PDE8A: variants seen among roughly 807,000 people sequenced by gnomAD.
PDE8A encodes the protein high affinity cAMP-specific and IBMX-insensitive 3',5'-cyclic phosphodiesterase 8A.
A neutral mutation model predicts 105.0 loss-of-function variants in PDE8A; 59 were observed. The ratio of observed to expected loss-of-function variants is 0.56; its 90% CI spans 0.46 to 0.70. PDE8A has a LOEUF of 0.70. PDE8A is among the 30% of genes least tolerant of loss of function. PDE8A has a pLI of 0.00. For synonymous variants in PDE8A, 355 were observed against 371.9 expected, an observed-to-expected ratio of 0.95 and a Z score of 0.52; for missense variants, 1,014 against 1,045.9, an observed-to-expected ratio of 0.97 and a Z score of 0.42.
chr15:85,100,670 A>G (rs1304816332), intron 11 of PDE8A, among the ~76,000 whole-genome samples: 1 of 152,196 alleles, frequency 6.6e-6, no homozygotes, highest in East Asian at 1.9e-4. Context: ...TCTTACTGCA[A>G]ATGCATTTCC....
intron 5 of PDE8A, among the ~76,000 whole-genome samples, chr15:85,078,893 C>T (rs2081421663): frequency 6.6e-6 from 1 of 152,130 alleles, no homozygotes; most frequent in Non-Finnish European, 1.5e-5. Context: ...ATATATCTAG[C>T]CAAGTTATTG....
At chr15:85,057,284 C>G (rs1300266655) in intron 1 of PDE8A, among the ~76,000 whole-genome samples, 1 of 152,228 alleles carries the variant, frequency 6.6e-6, no homozygotes, top group Non-Finnish European at 1.5e-5. Flanking sequence ...GGCAGACTGT[C>G]TGTTCTCAGA....
At position 85,130,031 on chromosome 15, in the gene PDE8A, G is replaced by A. The variant is rs954067340; in HGVS notation, c.2253+3657G>A. ...AAAGTTTATTTTGGCTCATGGTTCT[G>A]CAGGCTGTGCAAGCATAGAACTAAC... On this transcript the variant is annotated intron_variant, in intron 20 of 21. Transcript: ENST00000394553. Among the ~76,000 whole-genome samples the A allele has an allele frequency of 4.6e-5, 7 of 152,210 alleles. No homozygotes were observed. In the South Asian group the frequency reaches 6.2e-4, roughly 13 times the overall value.
intron 1 of PDE8A, among the ~76,000 whole-genome samples, chr15:85,012,709 T>TA (rs879607776): frequency 1.9e-4 from 27 of 145,506 alleles, no homozygotes; most frequent in South Asian, 1.5e-3. Context: ...AATAATAGAA[T>TA]AAAAAAAAAA....
At chr15:85,064,291 G>T (rs2141451489) in intron 1 of PDE8A, 79 bp from the exon 2 acceptor site, 12 of 986,850 alleles carry the variant, frequency 1.2e-5, no homozygotes, top group South Asian at 6.1e-5. Flanking sequence ...TTCATTTTTG[G>T]CACTGTTTAG....
chr15:85,104,594 T>A (rs752636083), intron 11 of PDE8A, among the ~76,000 whole-genome samples: 5 of 152,084 alleles, frequency 3.3e-5, no homozygotes, highest in Non-Finnish European at 5.9e-5. Flanking sequence ...GGGAACCAGC[T>A]TACTGTGTGG....
intron 1 of PDE8A, among the ~76,000 whole-genome samples, chr15:85,009,104 AGAGAGAGT>A (rs1360422434): frequency 3.6e-4 from 52 of 142,484 alleles, no homozygotes; most frequent in African/African-American, 1.3e-3. Context: ...AGAGAGAGAG[AGAGAGAGT>A]GTGTGTGTGT....
chr15:85,114,947 G>A (rs1472816469), intron 14 of PDE8A, among the ~76,000 whole-genome samples: 1 of 152,098 alleles, frequency 6.6e-6, no homozygotes, highest in Non-Finnish European at 1.5e-5. Flanking sequence ...AAGCAGTGGT[G>A]AGGAGCCCAG....
At chr15:85,090,402 C>T (rs561587329) in intron 7 of PDE8A, among the ~76,000 whole-genome samples, 1 of 152,238 alleles carries the variant, frequency 6.6e-6, no homozygotes, top group East Asian at 1.9e-4. Context: ...ATTGTTTTAT[C>T]ATCATCATCA....
At chr15:85,097,438 G>A (rs2081774579) in intron 8 of PDE8A, among the ~76,000 whole-genome samples, 1 of 152,144 alleles carries the variant, frequency 6.6e-6, no homozygotes, top group Non-Finnish European at 1.5e-5. Flanking sequence ...GCTTGGTCCT[G>A]GCTGTTATCT....
chr15:85,066,625 C>G, intron 2 of PDE8A, among the ~76,000 whole-genome samples: 1 of 102,310 alleles, frequency 9.8e-6, no homozygotes, highest in Admixed American at 9.6e-5. Flanking sequence ...CACACACACA[C>G]ACACACACAC....
At chr15:85,038,202 C>T (rs1243148051) in intron 1 of PDE8A, among the ~76,000 whole-genome samples, 1 of 147,744 alleles carries the variant, frequency 6.8e-6, no homozygotes, top group Non-Finnish European at 1.5e-5. Flanking sequence ...CTGCAAGGCT[C>T]TCTCCAATTG....
intron 20 of PDE8A, among the ~76,000 whole-genome samples, chr15:85,132,281 A>G (rs1157544472): frequency 2.6e-5 from 4 of 152,066 alleles, no homozygotes; most frequent in Non-Finnish European, 5.9e-5. Flanking sequence ...ATTTCTTCAA[A>G]TAATCTCTGT....
chr15:84,980,904 C>G (rs906853964), upstream of PDE8A, among the ~76,000 whole-genome samples: 1 of 152,214 alleles, frequency 6.6e-6, no homozygotes, highest in Non-Finnish European at 1.5e-5. Flanking sequence ...CTGTGTAATC[C>G]GAGGCGTGGC....
At chr15:85,045,791 G>A (rs2080877754) in intron 1 of PDE8A, among the ~76,000 whole-genome samples, 1 of 152,148 alleles carries the variant, frequency 6.6e-6, no homozygotes, top group South Asian at 2.1e-4. Context: ...TTTCCAGGCT[G>A]TGTCCCTTTG....
intron 6 of PDE8A, 102 bp from the exon 7 acceptor site, chr15:85,089,236 C>A (rs970942000): frequency 4.4e-6 from 3 of 689,642 alleles, no homozygotes; most frequent in Admixed American, 2.9e-5. Flanking sequence ...TTTCTCCCTT[C>A]CTTATAAATC....
In PDE8A at chr15:84,982,286, T is replaced by G; in HGVS notation, c.124T>G (p.Leu42Val). 1 of 1,405,502 alleles carries G rather than the reference T, an allele frequency of 7.1e-7. No homozygotes were observed. Among genetic ancestry groups the G allele is most frequent in the Non-Finnish European group, 9.2e-7 (1 of 1,090,512 alleles). 87.1% of individuals were successfully genotyped at this position (1,405,502 alleles called of 1,614,324 possible). A position where few individuals can be genotyped will look rare whatever the true frequency, so the allele number is the denominator to read the frequency against. ...CCCGCAGGGCCAGAAGACGGCCGCC[T>G]TGCCCCGGACCCGCGGCGCCGGCCT... Reference protein sequence around the residue: ...RLPQGQKTAALPRTRGAGLLE... With the variant: ...RLPQGQKTAAVPRTRGAGLLE... Residue 42 changes from leucine (L) to valine (V), a missense_variant, in exon 1 of 22, where the codon TTG becomes GTG. By Grantham distance (32) the Leu-to-Val change is conservative. Transcript: ENST00000394553.
intron 1 of PDE8A, among the ~76,000 whole-genome samples, chr15:85,027,634 A>G (rs192013822): frequency 1.3e-3 from 198 of 152,362 alleles, no homozygotes; most frequent in African/African-American, 4.5e-3. Flanking sequence ...ACTGCATTGC[A>G]AAACAATTTT....
chr15:85,125,487 G>A (rs1205332333), intron 19 of PDE8A, among the ~76,000 whole-genome samples: 3 of 152,218 alleles, frequency 2.0e-5, no homozygotes, highest in African/African-American at 4.8e-5. Flanking sequence ...GGTACTGTGA[G>A]TGGAAGGCAT....
Sources: allele counts gnomAD v4.1 joint callset (sites outside exome capture counted in the v4.1 genomes callset), GRCh38; gene constraint gnomAD v4.1.1; transcripts MANE v1.5; gene names NCBI Gene and HGNC (gene_info 2026-07-23, HGNC 2026-07-21).